RIPOR2: variants seen among roughly 807,000 people sequenced by gnomAD.
RIPOR2 encodes the protein rho family-interacting cell polarization regulator 2.
RIPOR2 carries 39 observed loss-of-function variants against 114.5 expected under a neutral mutation model. That is an observed-to-expected ratio of 0.34 (90% confidence interval 0.26 to 0.44). The LOEUF (loss-of-function observed/expected upper bound fraction) is 0.44. Ranked by LOEUF, RIPOR2 falls within the 20% of genes least tolerant of loss-of-function variation. RIPOR2 has a pLI of 1.00. For synonymous variants in RIPOR2, 445 were observed against 484.4 expected (o/e 0.92, Z 1.07); for missense variants, 1,007 against 1,255.1 (o/e 0.80, Z 2.99).
chr6:24,808,078 T>C (rs1329785594), intron 21 of RIPOR2, among the ~76,000 whole-genome samples: 2 of 151,878 alleles, frequency 1.3e-5, no homozygotes, highest in Non-Finnish European at 2.9e-5. Context: ...TCTTTGGGAG[T>C]AGATTGTTTA....
Position 24,873,681 on chromosome 6 carries a change from C to A in RIPOR2, c.307G>T (p.Val103Leu). Residue 103 changes from valine to leucine, a missense_variant, in exon 3 of 22, where the codon GTG becomes TTG. By Grantham distance (32) the Val-to-Leu change is conservative. Transcript: ENST00000643898. ...NPPKEPQPKR[V>L]EEVYRALKNG... ...TTCAAGGCCCTGTAGACTTCTTCCA[C>A]CCTTTTAGGCTGAGGCTCTTTGGGG... 6.2e-7 allele frequency: 1 copy of A among 1,613,584 alleles called. No individual in the cohort carries two copies. The highest frequency in any genetic ancestry group is 1.1e-5 in the South Asian group (1 of 90,986).
In RIPOR2 at chr6:24,865,296, T is replaced by C; in HGVS notation, c.651+5A>G. On this transcript the variant is annotated splice_donor_5th_base_variant and intron_variant, in intron 7 of 21. Transcript: ENST00000643898. ...CGGCAACTTAAGCAGGTTAGGGAGT[T>C]ATACCTCTGTGTACTCCTTGAAGCT... 5 of 1,609,146 alleles carry C rather than the reference T, an allele frequency of 3.1e-6. No individual in the cohort carries two copies. The highest frequency in any genetic ancestry group is 4.2e-6 in the Non-Finnish European group (5 of 1,177,018).
chr6:24,997,176 G>A (rs1259990032), intron 1 of RIPOR2, among the ~76,000 whole-genome samples: 1 of 152,218 alleles, frequency 6.6e-6, no homozygotes, highest in Non-Finnish European at 1.5e-5. Flanking sequence ...CAGAATCTCT[G>A]TTGGTGGGAT....
At chr6:24,920,410 G>A (rs1770393440) in intron 1 of RIPOR2, among the ~76,000 whole-genome samples, 1 of 152,268 alleles carries the variant, frequency 6.6e-6, no homozygotes, top group South Asian at 2.1e-4. Context: ...CTGCTTCCCA[G>A]GACATTAAGC....
intron 1 of RIPOR2, among the ~76,000 whole-genome samples, chr6:24,924,437 G>A (rs75212801): frequency 4.6e-5 from 7 of 152,232 alleles, no homozygotes; most frequent in South Asian, 2.1e-4. Context: ...CCCCTTGGAC[G>A]CTTGCTGTGT....
chr6:24,863,607 G>C (rs1764300114), intron 7 of RIPOR2, among the ~76,000 whole-genome samples: 1 of 152,176 alleles, frequency 6.6e-6, no homozygotes, highest in African/African-American at 2.4e-5. Flanking sequence ...AAAGTAGGAT[G>C]GGGGAGGGTG....
At chr6:24,950,105 A>G (rs1772672473) in intron 1 of RIPOR2, among the ~76,000 whole-genome samples, 3 of 152,200 alleles carry the variant, frequency 2.0e-5, no homozygotes, top group African/African-American at 7.2e-5. Context: ...AGGGTAGTAT[A>G]AATGCCCGGT....
chr6:24,935,806 C>A, intron 1 of RIPOR2, 32 bp downstream of exon 1: 1 of 1,495,010 alleles, frequency 6.7e-7, no homozygotes, highest in South Asian at 1.2e-5. Context: ...CAAAGCAGAC[C>A]GGAGAGCCTC....
At chr6:24,830,767 G>GT (rs1760610628) in intron 16 of RIPOR2, 97 bp from the exon 17 acceptor site, 1 of 1,269,702 alleles carries the variant, frequency 7.9e-7, no homozygotes. Flanking sequence ...CCAGGCTGGA[G>GT]TGCAATGGCA....
At chr6:24,841,028 C>A (rs1204153837) in intron 13 of RIPOR2, among the ~76,000 whole-genome samples, 1 of 152,122 alleles carries the variant, frequency 6.6e-6, no homozygotes, top group South Asian at 2.1e-4. Context: ...AAGAAAGGGG[C>A]AGTTGAGGAT....
intron 1 of RIPOR2, among the ~76,000 whole-genome samples, chr6:24,978,283 C>G (rs12193223): frequency 0.031 from 4,691 of 152,066 alleles, 129 homozygotes; most frequent in Non-Finnish European, 0.052. Flanking sequence ...CTTCACTGAG[C>G]CTGAATGTCC....
At chr6:24,927,402 A>G (rs1463963863) in intron 1 of RIPOR2, among the ~76,000 whole-genome samples, 3 of 151,398 alleles carry the variant, frequency 2.0e-5, no homozygotes, top group Non-Finnish European at 4.4e-5. Flanking sequence ...CACCACCACC[A>G]CCACAACTAT....
At chr6:25,026,524 C>G (rs1175942877) in intron 1 of RIPOR2, among the ~76,000 whole-genome samples, 2 of 152,184 alleles carry the variant, frequency 1.3e-5, no homozygotes, top group Non-Finnish European at 2.9e-5. Context: ...CCTGTTTATC[C>G]TTAAAGACAA....
At chr6:24,845,653 C>T (rs1273029361) in intron 12 of RIPOR2, among the ~76,000 whole-genome samples, 1 of 152,112 alleles carries the variant, frequency 6.6e-6, no homozygotes, top group East Asian at 1.9e-4. Flanking sequence ...GATGCCCTGC[C>T]CAAGGGGACT....
At chr6:24,877,201 C>T (rs1765873827) in intron 1 of RIPOR2, 3 of 985,430 alleles carry the variant, frequency 3.0e-6, no homozygotes, top group Non-Finnish European at 3.6e-6. Flanking sequence ...CTCAAAGCTA[C>T]GCGAAGCAGC....
rs533067566 is a variant in RIPOR2 at position 24,849,932 on chromosome 6, G to T, written c.904C>A (p.Leu302Ile). Reference protein sequence around the residue: ...ISIKVTELKGLATHILVGSVT... With the variant: ...ISIKVTELKGIATHILVGSVT... The stretch of plus-strand genomic sequence containing the variant: ...CTACCTACCAGGATGTGAGTTGCTA[G>T]CCCTTTGAGCTCCGTGACCTAGCAG... Residue 302 changes from leucine (L) to isoleucine (I), a missense_variant, in exon 11 of 22, where the codon CTA becomes ATA. Physicochemically the swap from Leu to Ile is conservative, Grantham distance 5 (BLOSUM62 2). Transcript: ENST00000643898. 5 of 1,613,746 alleles carry T rather than the reference G, an allele frequency of 3.1e-6. No individual in the cohort carries two copies. In the South Asian group the frequency reaches 5.5e-5, roughly 18 times the overall value.
At chr6:24,818,347 T>C (rs1398214637) in intron 20 of RIPOR2, among the ~76,000 whole-genome samples, 195 bp downstream of exon 20, 1 of 152,234 alleles carries the variant, frequency 6.6e-6, no homozygotes, top group African/African-American at 2.4e-5. Flanking sequence ...CTGCCACTTA[T>C]TGACTTTAAC....
At position 24,852,542 on chromosome 6, in the gene RIPOR2, T is replaced by C. The variant is rs370452129; in HGVS notation, c.759+33A>G. On this transcript the variant is annotated intron_variant, in intron 9 of 21. Coordinates refer to ENST00000643898, the MANE Select transcript of RIPOR2 (RefSeq NM_001286445.3). ...AACTGGCCCCTACCCTTCAGGTCCA[T>C]AATTCCAGCACCTAGACCAAGACAA... The C allele has an allele frequency of 6.7e-5, 106 of 1,573,308 alleles. No individual in the cohort carries two copies. In the African/African-American group the frequency reaches 1.0e-3, roughly 15 times the overall value.
chr6:24,823,157 G>A (rs1377977285), intron 19 of RIPOR2, among the ~76,000 whole-genome samples: 1 of 152,186 alleles, frequency 6.6e-6, no homozygotes, highest in African/African-American at 2.4e-5. Context: ...TTGAAGCAAG[G>A]TTCCGGGTTT....
Sources: allele counts gnomAD v4.1 joint callset (sites outside exome capture counted in the v4.1 genomes callset), GRCh38; gene constraint gnomAD v4.1.1; transcripts MANE v1.5; gene names NCBI Gene and HGNC (gene_info 2026-07-23, HGNC 2026-07-21).